The following PDZD8 variants were observed in gnomAD, a reference collection of about 807,000 sequenced individuals.
The protein encoded by PDZD8 is PDZ domain containing 8.
A neutral mutation model predicts 85.8 loss-of-function variants in PDZD8; 14 were observed. The ratio of observed to expected loss-of-function variants is 0.16; its 90% CI spans 0.11 to 0.26. The LOEUF (loss-of-function observed/expected upper bound fraction) is 0.26. Ranked by LOEUF, PDZD8 falls within the 10% of genes least tolerant of loss-of-function variation. The probability of loss-of-function intolerance (pLI) is 1.00; values close to 1 mark genes in which losing one functional copy is unlikely to be tolerated. For missense variants in PDZD8, 1,197 were observed against 1,424.3 expected, an observed-to-expected ratio of 0.84 and a Z score of 2.57; for synonymous variants, 592 against 568.6, an observed-to-expected ratio of 1.04 and a Z score of -0.59.
Position 117,309,323 on chromosome 10 carries a change from C to T in PDZD8, c.1098+9549G>A, listed in dbSNP as rs562633473. On this transcript the variant is annotated intron_variant, in intron 3 of 4. Transcript: ENST00000334464. ...ATATGAAAAAAAGAGAGCTTAAAAACATAGCATAAACCTCAAAGCATTCAA... is the reference window on the plus strand; with the variant it reads ...ATATGAAAAAAAGAGAGCTTAAAAATATAGCATAAACCTCAAAGCATTCAA... Among the ~76,000 whole-genome samples the T allele has an allele frequency of 2.6e-5, 4 of 151,892 alleles. No homozygotes were observed. In the South Asian group the frequency reaches 8.3e-4, roughly 32 times the overall value.
chr10:117,285,012 T>C lies in PDZD8; in HGVS notation c.1721A>G (p.Asp574Gly), dbSNP rs767116893. The part of the protein sequence containing the change: ...PPPLKTSEIT[D>G]PAQVSKPTQG... ...GGTTGGTTTTGACACTTGTGCTGGG[T>C]CTGTTATCTCAGAAGTTTTTAGGGG... The change falls in exon 5 of 5, where the codon GAC (aspartate) becomes GGC (glycine). Residue 574 changes from aspartate (D) to glycine (G), a missense_variant. Physicochemically the swap from Asp to Gly is moderately conservative, Grantham distance 94. Around this residue, in one of 4 missense-constraint regions of PDZD8, gnomAD observed 263 missense variants for 261.9 expected, o/e 1.00. Transcript: ENST00000334464. 6.2e-7 allele frequency: 1 copy of C among 1,614,018 alleles called. No homozygotes were observed. Among genetic ancestry groups the C allele is most frequent in the African/African-American group, 1.3e-5 (1 of 74,896 alleles).
intron 1 of PDZD8, among the ~76,000 whole-genome samples, chr10:117,365,790 G>A (rs76402367): frequency 0.037 from 5,639 of 152,230 alleles, 143 homozygotes; most frequent in Middle Eastern, 0.071. Flanking sequence ...AGTGTGATGT[G>A]CTCTGATGCC....
At position 117,284,160 on chromosome 10, in the gene PDZD8, T is replaced by C; in HGVS notation, c.2573A>G (p.Lys858Arg). Residue 858 changes from lysine (K) to arginine (R), a missense_variant, in exon 5 of 5, where the codon AAG becomes AGG. Physicochemically the swap from Lys to Arg is conservative, Grantham distance 26. Coordinates refer to ENST00000334464, the MANE Select transcript of PDZD8 (RefSeq NM_173791.5). ...AGCTGCTTTAGTCCAAACTTTTTTC[T>C]TACAGTAGTCACACCATGTTGGGTT... ...FQNPTWCDYC[K>R]KKVWTKAASQ... The C allele has an allele frequency of 6.2e-7, 1 of 1,614,166 alleles. No homozygotes were observed. Among genetic ancestry groups the C allele is most frequent in the East Asian group, 2.2e-5 (1 of 44,880 alleles).
chr10:117,350,761 G>A, intron 1 of PDZD8, among the ~76,000 whole-genome samples: 1 of 151,694 alleles, frequency 6.6e-6, no homozygotes, highest in Non-Finnish European at 1.5e-5. Flanking sequence ...AAAATTAGCT[G>A]GGTGTGGTGG....
intron 2 of PDZD8, among the ~76,000 whole-genome samples, chr10:117,328,948 G>C (rs1479948126): frequency 6.6e-6 from 1 of 152,180 alleles, no homozygotes; most frequent in Admixed American, 6.5e-5. Context: ...TGCCAGAAAG[G>C]AGTTCCCACT....
chr10:117,350,669 C>T (rs1302796127), intron 1 of PDZD8, among the ~76,000 whole-genome samples: 3 of 150,974 alleles, frequency 2.0e-5, no homozygotes, highest in East Asian at 4.0e-4. Context: ...TTTGGGAGGC[C>T]GAGGCAGGCG....
At chr10:117,368,993 C>G (rs560592602) in intron 1 of PDZD8, among the ~76,000 whole-genome samples, 3 of 151,390 alleles carry the variant, frequency 2.0e-5, no homozygotes, top group African/African-American at 7.3e-5. Flanking sequence ...GCAGCTGGGA[C>G]TGCAGGTGCG....
intron 1 of PDZD8, among the ~76,000 whole-genome samples, chr10:117,367,284 G>A (rs1259054709): frequency 1.3e-5 from 2 of 152,040 alleles, no homozygotes; most frequent in African/African-American, 4.8e-5. Flanking sequence ...GGTGGCATAC[G>A]CCTACAATCT....
At chr10:117,335,570 T>C (rs1844502264) in intron 2 of PDZD8, among the ~76,000 whole-genome samples, 1 of 152,210 alleles carries the variant, frequency 6.6e-6, no homozygotes, top group Non-Finnish European at 1.5e-5. Flanking sequence ...AGCATGTTAA[T>C]ACTCTATGTA....
intron 3 of PDZD8, among the ~76,000 whole-genome samples, chr10:117,294,327 C>CAA (rs71013656): frequency 0.022 from 3,070 of 141,498 alleles, 28 homozygotes; most frequent in East Asian, 0.041. Context: ...ACCAAAAAGA[C>CAA]AAAAAAAAAA....
At chr10:117,363,203 A>T (rs1845026599) in intron 1 of PDZD8, among the ~76,000 whole-genome samples, 2 of 152,140 alleles carry the variant, frequency 1.3e-5, no homozygotes, top group Admixed American at 1.3e-4. Context: ...CCAAATGACT[A>T]AGGTAGTAAG....
At chr10:117,353,643 T>C (rs148978396) in intron 1 of PDZD8, among the ~76,000 whole-genome samples, 24 of 152,034 alleles carry the variant, frequency 1.6e-4, no homozygotes, top group African/African-American at 4.6e-4. Flanking sequence ...AAAAAAGACA[T>C]ATTGATGTTA....
intron 3 of PDZD8, among the ~76,000 whole-genome samples, chr10:117,292,771 CAAA>C (rs201930944): frequency 7.9e-6 from 1 of 126,292 alleles, no homozygotes; most frequent in African/African-American, 2.9e-5. Flanking sequence ...ATTCCAGATG[CAAA>C]AAAAAAAAAA....
Position 117,374,308 on chromosome 10 carries a change from A to C in PDZD8, c.872+48T>G. 1 of 1,596,730 alleles carries C rather than the reference A, an allele frequency of 6.3e-7. No individual in the cohort carries two copies. On this transcript the variant is annotated intron_variant, in intron 1 of 4. Transcript: ENST00000334464. This position sits in a 1 kb window ranked among gnomAD's most constrained non-coding sequence, Gnocchi z 7.8. The stretch of plus-strand genomic sequence containing the variant: ...TCCCAATCCACGCAGCGTCCCGCCC[A>C]GGCCCGGGTTCCCGGCAGCCAGGCC...
chr10:117,303,318 T>G (rs377099671), intron 3 of PDZD8, among the ~76,000 whole-genome samples: 1 of 152,126 alleles, frequency 6.6e-6, no homozygotes, highest in Non-Finnish European at 1.5e-5. Context: ...CCCTAGAGAT[T>G]TGTGGAATTT....
chr10:117,317,625 C>A (rs1188429347), intron 3 of PDZD8, among the ~76,000 whole-genome samples: 1 of 152,112 alleles, frequency 6.6e-6, no homozygotes, highest in Non-Finnish European at 1.5e-5. Context: ...CAAGTTATGA[C>A]CAATTCAAAG....
At chr10:117,308,644 T>C (rs554381284) in intron 3 of PDZD8, among the ~76,000 whole-genome samples, 8 of 152,226 alleles carry the variant, frequency 5.3e-5, no homozygotes, top group Admixed American at 3.3e-4. Context: ...CCCAGGCCTA[T>C]AGGACACCAT....
Position 117,285,471 on chromosome 10 carries a change from C to T in PDZD8, c.1262G>A (p.Gly421Asp), listed in dbSNP as rs745389895. The T allele has an allele frequency of 1.3e-6, 2 of 1,565,622 alleles. No individual in the cohort carries two copies. Among genetic ancestry groups the T allele is most frequent in the South Asian group, 1.2e-5 (1 of 84,334 alleles). The change falls in exon 5 of 5, where the codon GGT (glycine) becomes GAT (aspartate). Residue 421 changes from glycine (G) to aspartate (D), a missense_variant and splice_region_variant. By Grantham distance (94) the Gly-to-Asp change is moderately conservative (BLOSUM62 -1). Coordinates refer to ENST00000334464, the MANE Select transcript of PDZD8 (RefSeq NM_173791.5). ...QRGDRLIAIG[G>D]VKITSTLQVL... ...TTGCAGTGTTGATGTGATTTTCACACCTGGTTTAAGATTTTAAAAGGGAAA... is the reference window on the plus strand; with the variant it reads ...TTGCAGTGTTGATGTGATTTTCACATCTGGTTTAAGATTTTAAAAGGGAAA...
At chr10:117,343,624 T>A (rs2133851088) in intron 1 of PDZD8, among the ~76,000 whole-genome samples, 1 of 152,330 alleles carries the variant, frequency 6.6e-6, no homozygotes, top group Non-Finnish European at 1.5e-5. Flanking sequence ...AGAACCAGCT[T>A]TCCTTGTCAA....
Sources: allele counts gnomAD v4.1 joint callset (sites outside exome capture counted in the v4.1 genomes callset), GRCh38; gene constraint gnomAD v4.1.1; regional missense constraint gnomAD v4.1.1; non-coding constraint Gnocchi (gnomAD v3.1); transcripts MANE v1.5; gene names NCBI Gene and HGNC (gene_info 2026-07-23, HGNC 2026-07-21).